SNX24: variants seen among roughly 807,000 people sequenced by gnomAD.
SNX24 encodes the protein sorting nexin-24.
SNX24 carries 22 observed loss-of-function variants against 28.7 expected under a neutral mutation model. The observed-to-expected ratio is 0.77, with a 90% CI of 0.55 to 1.10. SNX24 has a LOEUF of 1.10. Ranked by LOEUF, SNX24 falls within the 50% of genes least tolerant of loss-of-function variation. The pLI is 0.00. For synonymous variants in SNX24, 69 were observed against 71.5 expected (o/e 0.96, Z 0.18); for missense variants, 221 against 201.1 (o/e 1.10, Z -0.60).
intron 3 of SNX24, among the ~76,000 whole-genome samples, chr5:122,990,617 C>T (rs1761802110): frequency 6.6e-6 from 1 of 152,174 alleles, no homozygotes; most frequent in Admixed American, 6.5e-5. Context: ...CACATATGGG[C>T]TGTGCTAATT....
intron 2 of SNX24, among the ~76,000 whole-genome samples, chr5:122,939,526 C>A (rs1471763335): frequency 2.0e-5 from 3 of 152,240 alleles, no homozygotes; most frequent in Non-Finnish European, 2.9e-5. Context: ...GACATTTATT[C>A]TAAATGTATG....
rs571978476 is a variant in SNX24, at chr5:122,977,313, C to G, written c.250-22599C>G. 4.6e-5 allele frequency among the ~76,000 whole-genome samples: 7 copies of G among 152,058 alleles called. No homozygotes were observed. The East Asian group carries it at 1.4e-3, about 29-fold the overall frequency. ...TTTAAAAATCACCCAATCTATCAAC[C>G]CTCTCTTGCTCCAACCCACCCCCAC... On this transcript the variant is annotated intron_variant, in intron 3 of 6. Transcript: ENST00000261369.
chr5:122,926,369 A>G, intron 1 of SNX24, among the ~76,000 whole-genome samples: 1 of 152,176 alleles, frequency 6.6e-6, no homozygotes, highest in Non-Finnish European at 1.5e-5. Flanking sequence ...GCTGTGAAAT[A>G]TAGATTGCTG....
chr5:122,857,004 T>C (rs200279706), intron 1 of SNX24, among the ~76,000 whole-genome samples: 2 of 151,970 alleles, frequency 1.3e-5, no homozygotes, highest in East Asian at 3.9e-4. Context: ...TTGTTTTGAT[T>C]TGCATTTTTC....
intron 1 of SNX24, chr5:122,890,976 A>T (rs1044142102): frequency 3.2e-5 from 44 of 1,386,056 alleles, no homozygotes; most frequent in Non-Finnish European, 3.9e-5. Flanking sequence ...TAAATAGTAT[A>T]TAAGAGTATG....
intron 4 of SNX24, among the ~76,000 whole-genome samples, chr5:123,000,299 T>C (rs1762203713): frequency 6.6e-6 from 1 of 152,252 alleles, no homozygotes; most frequent in African/African-American, 2.4e-5. Flanking sequence ...GAATTATGAA[T>C]CTAATTAACT....
rs369252128 is a variant in SNX24 at position 123,008,698 on chromosome 5, G to T, written c.*949G>T. The T allele has an allele frequency of 5.6e-5, 13 of 233,738 alleles. No homozygotes were observed. Among genetic ancestry groups the T allele is most frequent in the Non-Finnish European group, 7.0e-5 (10 of 142,626 alleles). 14.5% of individuals were successfully genotyped at this position (233,738 alleles called of 1,614,324 possible). ...ACAGCACCCACCTGGGTTTACTCAA[G>T]GGTGTGCATTCATTTTAGGTGGGAT... is the stretch of plus-strand genomic sequence containing the variant. On this transcript the variant is annotated 3_prime_UTR_variant, in exon 7 of 7. Coordinates refer to ENST00000261369, the MANE Select transcript of SNX24 (RefSeq NM_014035.4).
rs371875867 is a variant in SNX24, at chr5:122,883,228, A to G, written c.60+37535A>G. On this transcript the variant is annotated intron_variant, in intron 1 of 6. Transcript: ENST00000261369. ...TTTCCACAGAGGCCTTCAGATTTTC[A>G]GATCTGTGACTCCAAGAAAGGTTGA... Among the ~76,000 whole-genome samples the G allele has an allele frequency of 3.3e-5, 5 of 152,320 alleles. No individual in the cohort carries two copies. In the East Asian group the frequency reaches 9.6e-4, roughly 29 times the overall value.
At chr5:122,879,571 A>G (rs1056551322) in intron 1 of SNX24, among the ~76,000 whole-genome samples, 2 of 152,140 alleles carry the variant, frequency 1.3e-5, no homozygotes, top group Admixed American at 6.5e-5. Flanking sequence ...TTCCCTCTCT[A>G]CCACTTACAA....
In SNX24 at chr5:123,023,812, ACAC is replaced by A; in HGVS notation, n.384-5425_384-5423del. Reference sequence around the variant, plus strand: ...AAATAATTGAAAGACAACACAACACACACACACACACACACACACACACACCCC... The same window carrying A: ...AAATAATTGAAAGACAACACAACACAACACACACACACACACACACACCCC... On this transcript the variant is annotated intron_variant and non_coding_transcript_variant, in intron 5 of 5. Transcript: ENST00000502387. The A allele has an allele frequency of 3.3e-6, 5 of 1,495,880 alleles. No homozygotes were observed. The South Asian group carries it at 3.9e-5, about 12-fold the overall frequency. The allele number at this position is 1,495,880 out of a possible 1,614,324, so 92.7% of individuals were successfully genotyped here. A position where few individuals can be genotyped will look rare whatever the true frequency, so the allele number is the denominator to read the frequency against.
chr5:123,029,310 C>T, exon 6 of SNX24: 1 of 1,614,108 alleles, frequency 6.2e-7, no homozygotes, highest in Non-Finnish European at 8.5e-7. Flanking sequence ...CATACCTCTC[C>T]TGTTGCTAGA....
At chr5:122,900,189 A>ATT (rs1757373151) in intron 1 of SNX24, among the ~76,000 whole-genome samples, 1 of 68,120 alleles carries the variant, frequency 1.5e-5, no homozygotes, top group African/African-American at 7.6e-5. Flanking sequence ...CCACCCAGCT[A>ATT]CTTTTTTTTT....
intron 1 of SNX24, among the ~76,000 whole-genome samples, chr5:122,930,792 T>TAC (rs201900774): frequency 6.6e-6 from 1 of 152,182 alleles, no homozygotes; most frequent in Non-Finnish European, 1.5e-5. Flanking sequence ...ATCATATCAA[T>TAC]ACACACACAC....
At chr5:122,959,981 A>G (rs142895060) in intron 3 of SNX24, among the ~76,000 whole-genome samples, 172 of 152,226 alleles carry the variant, frequency 1.1e-3, no homozygotes, top group African/African-American at 4.0e-3. Flanking sequence ...CTGTTGTTTA[A>G]GAAAACATTT....
At chr5:122,921,862 A>G (rs1758446095) in intron 1 of SNX24, among the ~76,000 whole-genome samples, 1 of 152,086 alleles carries the variant, frequency 6.6e-6, no homozygotes, top group Admixed American at 6.5e-5. Flanking sequence ...TCTCGAATCC[A>G]TTGTTCTTTC....
intron 3 of SNX24, among the ~76,000 whole-genome samples, chr5:122,970,861 T>A (rs1387662847): frequency 6.6e-6 from 1 of 152,198 alleles, no homozygotes; most frequent in African/African-American, 2.4e-5. Flanking sequence ...ACCTGTACCC[T>A]CCTCTTTTCT....
chr5:122,890,303 G>T (rs1051068794), intron 1 of SNX24, among the ~76,000 whole-genome samples: 1 of 151,996 alleles, frequency 6.6e-6, no homozygotes, highest in Non-Finnish European at 1.5e-5. Context: ...CACTTGGGAA[G>T]ACATTTTGAG....
intron 3 of SNX24, among the ~76,000 whole-genome samples, chr5:122,959,337 T>C (rs1483744648): frequency 6.6e-6 from 1 of 150,904 alleles, no homozygotes; most frequent in South Asian, 2.1e-4. Context: ...CTTTATTTCC[T>C]TCCTTTTGCT....
intron 3 of SNX24, among the ~76,000 whole-genome samples, chr5:122,995,471 G>A (rs562771279): frequency 1.3e-5 from 2 of 152,178 alleles, no homozygotes; most frequent in African/African-American, 4.8e-5. Context: ...TCTCTTTTGT[G>A]GTGGCAGGGG....
Sources: gnomAD v4.1 joint callset for allele counts (sites outside exome capture counted in the v4.1 genomes callset) on GRCh38, gnomAD v4.1.1 for gene constraint, MANE v1.5 for transcripts, NCBI Gene and HGNC (gene_info 2026-07-23, HGNC 2026-07-21) for gene names.